Variants in VWA3B observed in about 807,000 individuals in gnomAD.
VWA3B encodes von Willebrand factor A domain containing 3B.
Under a neutral mutation model 158.3 loss-of-function variants are expected in VWA3B, and 138 were observed. The ratio of observed to expected loss-of-function variants is 0.87; its 90% CI spans 0.76 to 1.00. The LOEUF (loss-of-function observed/expected upper bound fraction) is 1.00. Ranked by LOEUF, VWA3B falls within the 50% of genes least tolerant of loss-of-function variation. VWA3B has a pLI of 0.00. For missense variants in VWA3B, 1,555 were observed against 1,565.1 expected (o/e 0.99, Z 0.11); for synonymous variants, 596 against 587.3 (o/e 1.01, Z -0.21).
chr2:98,119,621 T>G lies in VWA3B; in HGVS notation c.400T>G (p.Phe134Val). 6.2e-7 allele frequency: 1 copy of G among 1,614,156 alleles called. No individual in the cohort carries two copies. Among genetic ancestry groups the G allele is most frequent in the Non-Finnish European group, 8.5e-7 (1 of 1,180,030 alleles). The change falls in exon 4 of 28, where the codon TTT (phenylalanine) becomes GTT (valine). Residue 134 changes from phenylalanine to valine, a missense_variant. By Grantham distance (50) the Phe-to-Val change is conservative. Coordinates refer to ENST00000477737, the MANE Select transcript of VWA3B (RefSeq NM_144992.5). Reference protein sequence around the residue: ...DWLTSKSRQIFGVILEQCVTI... With the variant: ...DWLTSKSRQIVGVILEQCVTI... The stretch of plus-strand genomic sequence containing the variant: ...GCTCACCAGCAAGAGCCGGCAGATT[T>G]TTGGTGTCATCTTGGAACAGTGCGT...
chr2:98,130,845 T>C (rs1227195607), intron 6 of VWA3B, among the ~76,000 whole-genome samples: 2 of 152,218 alleles, frequency 1.3e-5, no homozygotes, highest in Non-Finnish European at 2.9e-5. Context: ...CCATGTGATA[T>C]TCTGTTGCAT....
At chr2:98,093,459 T>C (rs1161014451) in intron 2 of VWA3B, among the ~76,000 whole-genome samples, 171 bp downstream of exon 2, 1 of 152,226 alleles carries the variant, frequency 6.6e-6, no homozygotes, top group Non-Finnish European at 1.5e-5. Flanking sequence ...GTGTATTAAG[T>C]AGACGTACAA....
chr2:98,117,685 G>A (rs1212878823), intron 3 of VWA3B, among the ~76,000 whole-genome samples: 3 of 152,082 alleles, frequency 2.0e-5, no homozygotes, highest in Admixed American at 6.6e-5. Context: ...CATGATGGGG[G>A]TGGTAGGTTG....
Position 98,243,989 on chromosome 2 carries a change from A to T in VWA3B, c.2674-6329A>T, listed in dbSNP as rs189456136. Among the ~76,000 whole-genome samples the T allele has an allele frequency of 1.5e-4, 23 of 152,200 alleles. 1 individual carries two copies. Among genetic ancestry groups the T allele is most frequent in the Admixed American group, 1.4e-3 (22 of 15,286 alleles). ...TTGGAGAATTCAGTCAGAGTTGAACAATAGATAATCACCAGTTTCACACTA... is the reference window on the plus strand; with the variant it reads ...TTGGAGAATTCAGTCAGAGTTGAACTATAGATAATCACCAGTTTCACACTA... On this transcript the variant is annotated intron_variant, in intron 19 of 27. Coordinates refer to ENST00000477737, the MANE Select transcript of VWA3B (RefSeq NM_144992.5).
intron 23 of VWA3B, among the ~76,000 whole-genome samples, chr2:98,294,362 A>G (rs1179597262): frequency 2.6e-5 from 4 of 152,228 alleles, no homozygotes; most frequent in Non-Finnish European, 5.9e-5. Context: ...CCTTAGCAGA[A>G]GGCAAGATTG....
chr2:98,228,105 A>T (rs1476301571), intron 14 of VWA3B, 97 bp from the exon 15 acceptor site: 2 of 1,398,232 alleles, frequency 1.4e-6, no homozygotes, highest in African/African-American at 1.4e-5. Flanking sequence ...CGTGGGCAAC[A>T]TAGTGAACCT....
At chr2:98,305,301 A>T (rs543296686) in intron 26 of VWA3B, among the ~76,000 whole-genome samples, 11 of 152,192 alleles carry the variant, frequency 7.2e-5, no homozygotes, top group African/African-American at 2.6e-4. Flanking sequence ...GTGGGCCTGG[A>T]GGCAGGTTTT....
At chr2:98,116,534 T>C (rs1020023971) in intron 3 of VWA3B, among the ~76,000 whole-genome samples, 1 of 152,224 alleles carries the variant, frequency 6.6e-6, no homozygotes, top group Non-Finnish European at 1.5e-5. Context: ...TGAGACACTT[T>C]CTTGTTCTAT....
At chr2:98,161,084 G>A (rs1678536138) in intron 7 of VWA3B, among the ~76,000 whole-genome samples, 1 of 152,210 alleles carries the variant, frequency 6.6e-6, no homozygotes, top group East Asian at 1.9e-4. Flanking sequence ...CCGTAGACTG[G>A]AGGGTGGTCT....
chr2:98,209,344 G>T (rs796378072), intron 12 of VWA3B, among the ~76,000 whole-genome samples: 1 of 151,810 alleles, frequency 6.6e-6, no homozygotes, highest in Non-Finnish European at 1.5e-5. Flanking sequence ...GTGGTGGCGC[G>T]ATCTCGGCTC....
chr2:98,326,193 AAAC>A, the VWA3B span, among the ~76,000 whole-genome samples: 1 of 152,216 alleles, frequency 6.6e-6, no homozygotes, highest in African/African-American at 2.4e-5. Context: ...AAAAAAGAGA[AAAC>A]ACAAATACAA....
intron 14 of VWA3B, among the ~76,000 whole-genome samples, chr2:98,223,372 G>C (rs947143133): frequency 6.8e-6 from 1 of 148,036 alleles, no homozygotes; most frequent in Non-Finnish European, 1.5e-5. Flanking sequence ...TCCAGCATTA[G>C]TATCATCGGA....
At chr2:98,211,404 C>T (rs10199476) in intron 12 of VWA3B, among the ~76,000 whole-genome samples, 121,734 of 152,152 alleles carry the variant, frequency 0.8, 49,019 homozygotes, top group South Asian at 0.89. Flanking sequence ...ATGAAGTATT[C>T]AAGAGATTTT....
At chr2:98,114,870 C>T (rs917764757) in intron 2 of VWA3B, among the ~76,000 whole-genome samples, 1 of 152,152 alleles carries the variant, frequency 6.6e-6, no homozygotes, top group Non-Finnish European at 1.5e-5. Flanking sequence ...ACATAGTAGG[C>T]ACCCAATAAG....
chr2:98,240,524 A>T (rs903482806), intron 19 of VWA3B, among the ~76,000 whole-genome samples: 2 of 152,202 alleles, frequency 1.3e-5, no homozygotes, highest in Non-Finnish European at 2.9e-5. Flanking sequence ...AATTCAAATC[A>T]TCCCCCAAAT....
At chr2:98,263,586 G>A (rs1350264252) in intron 21 of VWA3B, among the ~76,000 whole-genome samples, 1 of 151,864 alleles carries the variant, frequency 6.6e-6, no homozygotes, top group Non-Finnish European at 1.5e-5. Context: ...CAGGAATGAA[G>A]CCCATTTTTT....
At chr2:98,096,630 C>A (rs1682733904) in intron 2 of VWA3B, among the ~76,000 whole-genome samples, 1 of 152,154 alleles carries the variant, frequency 6.6e-6, no homozygotes, top group Non-Finnish European at 1.5e-5. Context: ...TTTTAGATTT[C>A]TTCATAATTC....
At chr2:98,172,321 GC>G (rs1679660704) in intron 8 of VWA3B, among the ~76,000 whole-genome samples, 1 of 152,180 alleles carries the variant, frequency 6.6e-6, no homozygotes, top group Non-Finnish European at 1.5e-5. Context: ...GACTGCCCCA[GC>G]CAAACTCTGC....
chr2:98,176,905 C>G (rs754302472), intron 8 of VWA3B, among the ~76,000 whole-genome samples: 5 of 152,242 alleles, frequency 3.3e-5, no homozygotes, highest in Non-Finnish European at 7.3e-5. Context: ...AAACATCAGA[C>G]TTGGTCTAGA....
Sources: allele counts gnomAD v4.1 joint callset (sites outside exome capture counted in the v4.1 genomes callset), GRCh38; gene constraint gnomAD v4.1.1; transcripts MANE v1.5; gene names NCBI Gene and HGNC (gene_info 2026-07-23, HGNC 2026-07-21).